The following ARHGEF33 variants were observed in gnomAD, a reference collection of about 807,000 sequenced individuals.
The protein encoded by ARHGEF33 is Rho guanine nucleotide exchange factor 33, also known as DH and coiled-coil domain-containing protein ENSP00000381780.
In ARHGEF33, 72 loss-of-function variants were observed where a neutral mutation model predicts 101.9. The ratio of observed to expected loss-of-function variants is 0.71; its 90% CI spans 0.58 to 0.86. ARHGEF33 has a LOEUF of 0.86. ARHGEF33 is among the 40% of genes least tolerant of loss of function. The pLI is 0.00. For missense variants in ARHGEF33, 1,169 were observed against 1,111.3 expected, an observed-to-expected ratio of 1.05 and a Z score of -0.74; for synonymous variants, 499 against 442.5, an observed-to-expected ratio of 1.13 and a Z score of -1.60.
intron 7 of ARHGEF33, among the ~76,000 whole-genome samples, chr2:38,933,793 C>T (rs1422562153): frequency 2.0e-5 from 3 of 152,092 alleles, no homozygotes; most frequent in Non-Finnish European, 2.9e-5. Flanking sequence ...TACATAAGGA[C>T]GTAAATGCTA....
chr2:38,943,174 C>T (rs764027793), intron 9 of ARHGEF33, among the ~76,000 whole-genome samples: 8 of 152,142 alleles, frequency 5.3e-5, no homozygotes, highest in Non-Finnish European at 8.8e-5. Context: ...GTGATCTACC[C>T]GCCTTGGCCT....
In ARHGEF33 at chr2:38,960,320, C is replaced by T; in HGVS notation, c.2015C>T (p.Pro672Leu). ...ATGGAGGCCGAGCGGCCGGAGCACC[C>T]GCTGCAGCCGCTGCCCAAGAGCGCT... ...FAMEAERPEH[P>L]LQPLPKSATS... Residue 672 changes from proline to leucine, a missense_variant, in exon 16 of 18, where the codon CCG becomes CTG. Coordinates refer to ENST00000409978, the MANE Select transcript of ARHGEF33 (RefSeq NM_001145451.5). 7 of 1,541,622 alleles carry T rather than the reference C, an allele frequency of 4.5e-6. No individual in the cohort carries two copies. The highest frequency in any genetic ancestry group is 6.1e-6 in the Non-Finnish European group (7 of 1,145,796).
chr2:38,924,030 C>T (rs1666816608), intron 4 of ARHGEF33, among the ~76,000 whole-genome samples: 1 of 151,990 alleles, frequency 6.6e-6, no homozygotes, highest in Non-Finnish European at 1.5e-5. Flanking sequence ...ATAACAAAAT[C>T]AGAAAGACAC....
Position 38,972,074 on chromosome 2 carries a change from G to A in ARHGEF33, c.2484-1640G>A, listed in dbSNP as rs573105123. ...GTTTTGAGTAATGACTTTCTGATGA[G>A]AAACTGTCCTGTGGGGGAACAAGAA... On this transcript the variant is annotated intron_variant, in intron 17 of 17. Transcript: ENST00000409978. 5.9e-4 allele frequency: 391 copies of A among 666,558 alleles called. 1 individual carries two copies. The highest frequency in any genetic ancestry group is 1.7e-3 in the South Asian group (99 of 58,814). 41.3% of individuals were successfully genotyped at this position (666,558 alleles called of 1,614,324 possible). A position where few individuals can be genotyped will look rare whatever the true frequency, so the allele number is the denominator to read the frequency against.
chr2:38,897,136 G>A (rs1390500557), intron 2 of ARHGEF33, among the ~76,000 whole-genome samples: 2 of 151,966 alleles, frequency 1.3e-5, no homozygotes, highest in African/African-American at 2.4e-5. Context: ...GGCTGGTCTC[G>A]AACTCCTGAC....
chr2:38,960,218 C>T lies in ARHGEF33; in HGVS notation c.1913C>T (p.Ala638Val). The T allele has an allele frequency of 6.5e-7, 1 of 1,546,926 alleles. No homozygotes were observed. Among genetic ancestry groups the T allele is most frequent in the South Asian group, 1.2e-5 (1 of 83,924 alleles). Residue 638 changes from alanine (A) to valine (V), a missense_variant, in exon 16 of 18, where the codon GCC becomes GTC. Coordinates refer to ENST00000409978, the MANE Select transcript of ARHGEF33 (RefSeq NM_001145451.5). Reference protein sequence around the residue: ...PYDEEPFQAPALFENCSPASS... With the variant: ...PYDEEPFQAPVLFENCSPASS... ...GACGAGGAGCCGTTCCAGGCTCCGG[C>T]CCTCTTCGAGAACTGCTCGCCTGCC... is the stretch of plus-strand genomic sequence containing the variant.
chr2:38,929,830 A>C lies in ARHGEF33; in HGVS notation c.362A>C (p.Lys121Thr). 1 of 1,550,922 alleles carries C rather than the reference A, an allele frequency of 6.4e-7. No homozygotes were observed. The highest frequency in any genetic ancestry group is 8.7e-7 in the Non-Finnish European group (1 of 1,146,502). Residue 121 changes from lysine (K) to threonine (T), a missense_variant and splice_region_variant, in exon 6 of 18, where the codon AAG becomes ACG. Transcript: ENST00000409978. ...KRRESRKVKA[K>T]KTQKEEHSSQ... ...AGAGAATCTCGAAAAGTTAAAGCCA[A>C]GTGAGTGTCTTTTAAAAATGTACCA...
At chr2:38,964,133 A>G (rs1359188465) in intron 16 of ARHGEF33, among the ~76,000 whole-genome samples, 1 of 152,002 alleles carries the variant, frequency 6.6e-6, no homozygotes, top group African/African-American at 2.4e-5. Context: ...CTGTAATCTC[A>G]TTTTGGTTGC....
At chr2:38,923,109 A>G (rs1423899929) in intron 4 of ARHGEF33, among the ~76,000 whole-genome samples, 1 of 152,178 alleles carries the variant, frequency 6.6e-6, no homozygotes, top group Non-Finnish European at 1.5e-5. Flanking sequence ...TGTTGGCTAA[A>G]TATAGCTGCA....
rs553447164 is a variant in ARHGEF33, at chr2:38,966,077, C to T, written c.2415C>T (p.Ser805=). ...GAGAAAGTGAACAAACATCTTTCAGCGATCAAAATCCCAGGCAAGACCAGA... is the reference window on the plus strand; with the variant it reads ...GAGAAAGTGAACAAACATCTTTCAGTGATCAAAATCCCAGGCAAGACCAGA... The part of the protein sequence containing the change: ...EERESEQTSF[S]DQNPRQDQKG... Residue 805 remains serine, a synonymous_variant, in exon 17 of 18, where the codon AGC becomes AGT. Transcript: ENST00000409978. 60 of 1,551,682 alleles carry T rather than the reference C, an allele frequency of 3.9e-5. No homozygotes were observed. In the South Asian group the frequency reaches 3.9e-4, roughly 10 times the overall value.
intron 16 of ARHGEF33, among the ~76,000 whole-genome samples, chr2:38,964,553 C>T (rs998480753): frequency 4.0e-5 from 6 of 150,774 alleles, no homozygotes; most frequent in East Asian, 3.9e-4. Flanking sequence ...ACAAGGAGTG[C>T]GCATCCTAGA....
At chr2:38,942,989 G>A (rs368288535) in intron 9 of ARHGEF33, among the ~76,000 whole-genome samples, 3 of 152,122 alleles carry the variant, frequency 2.0e-5, no homozygotes, top group Non-Finnish European at 4.4e-5. Flanking sequence ...GTGCAAGGGC[G>A]TCATCTCAGC....
At chr2:38,951,189 T>TATTAAGAGAAG in intron 11 of ARHGEF33, 68 bp downstream of exon 11, 2 of 1,446,906 alleles carry the variant, frequency 1.4e-6, no homozygotes, top group African/African-American at 1.4e-5. Context: ...TCTACTTCTC[T>TATTAAGAGAAG]TAATAGAGAA....
rs1174912978 is a variant in ARHGEF33 at position 38,960,489 on chromosome 2, G to C, written c.2184G>C (p.Thr728=). ...GCGTGGCCCCACGCCTCTACAGCACGCGCAGCAGCAGCGGCGGCCGCGCGC... is the reference window on the plus strand; with the variant it reads ...GCGTGGCCCCACGCCTCTACAGCACCCGCAGCAGCAGCGGCGGCCGCGCGC... ...ADGVAPRLYS[T]RSSSGGRAPI... Residue 728 remains threonine (T), a synonymous_variant, in exon 16 of 18, where the codon ACG becomes ACC. Transcript: ENST00000409978. The C allele has an allele frequency of 7.2e-7, 1 of 1,397,914 alleles. No individual in the cohort carries two copies. The highest frequency in any genetic ancestry group is 3.1e-5 in the Admixed American group (1 of 32,208). 86.6% of individuals were successfully genotyped at this position (1,397,914 alleles called of 1,614,324 possible).
chr2:38,938,748 C>A (rs2124395436), intron 9 of ARHGEF33, among the ~76,000 whole-genome samples: 1 of 152,224 alleles, frequency 6.6e-6, no homozygotes, highest in Non-Finnish European at 1.5e-5. Context: ...CAGTCAATAT[C>A]CACCCAAAGA....
chr2:38,900,320 G>T (rs965874958), intron 2 of ARHGEF33, among the ~76,000 whole-genome samples: 3 of 152,296 alleles, frequency 2.0e-5, no homozygotes, highest in Admixed American at 6.5e-5. Flanking sequence ...GAGGATAGGG[G>T]CAAGCTTCAT....
intron 14 of ARHGEF33, 61 bp from the exon 15 acceptor site, chr2:38,957,973 T>A: frequency 6.6e-7 from 1 of 1,522,824 alleles, no homozygotes; most frequent in South Asian, 1.2e-5. Context: ...TGGCATAATA[T>A]GTGTTCAGAG....
chr2:38,937,702 T>A, intron 9 of ARHGEF33, 143 bp downstream of exon 9: 1 of 623,080 alleles, frequency 1.6e-6, no homozygotes. Context: ...TCAGATGAAC[T>A]AAAGCCTATA....
chr2:38,937,347 C>A lies in ARHGEF33; in HGVS notation c.578C>A (p.Thr193Lys), dbSNP rs1167478583. 3 of 1,097,190 alleles carry A rather than the reference C, an allele frequency of 2.7e-6. No individual in the cohort carries two copies. Among genetic ancestry groups the A allele is most frequent in the Non-Finnish European group, 3.7e-6 (3 of 807,352 alleles). The allele number at this position is 1,097,190 out of a possible 1,614,324, so 68.0% of individuals were successfully genotyped here. The change falls in exon 9 of 18, where the codon ACA (threonine) becomes AAA (lysine). Residue 193 changes from threonine (T) to lysine (K), a missense_variant. Thr to Lys is a moderately conservative substitution (Grantham distance 78). Coordinates refer to ENST00000409978, the MANE Select transcript of ARHGEF33 (RefSeq NM_001145451.5). ...CCCACCCCACCAGGAGTGAACCCAA[C>A]AACTCCAGAAGCAGAAGAAAACCTC... is the stretch of plus-strand genomic sequence containing the variant. ...KGMMGPGVNP[T>K]TPEAEENLKS...
Sources: gnomAD v4.1 joint callset for allele counts (sites outside exome capture counted in the v4.1 genomes callset) on GRCh38, gnomAD v4.1.1 for gene constraint, MANE v1.5 for transcripts, NCBI Gene and HGNC (gene_info 2026-07-23, HGNC 2026-07-21) for gene names.